Variants in LSAMP observed in about 807,000 individuals in gnomAD.
The protein encoded by LSAMP is limbic system associated membrane protein.
A neutral mutation model predicts 38.6 loss-of-function variants in LSAMP; 7 were observed. The ratio of observed to expected loss-of-function variants is 0.18; its 90% confidence interval spans 0.10 to 0.34. The LOEUF (loss-of-function observed/expected upper bound fraction) is 0.34. Ranked by LOEUF, LSAMP falls within the 10% of genes least tolerant of loss-of-function variation. The pLI, the probability that LSAMP is intolerant of heterozygous loss-of-function variation, is 1.00. For synonymous variants in LSAMP, 154 were observed against 166.8 expected (o/e 0.92, Z 0.59); for missense variants, 313 against 420.0 (o/e 0.75, Z 2.23).
At chr3:116,433,164 C>T (rs952380572) in intron 1 of LSAMP, among the ~76,000 whole-genome samples, 6 of 152,050 alleles carry the variant, frequency 3.9e-5, no homozygotes, top group Non-Finnish European at 1.5e-5. Context: ...ATTATGTTCC[C>T]CAGTCATTGT....
At chr3:116,108,401 A>G (rs1454330823) in intron 1 of LSAMP, among the ~76,000 whole-genome samples, 1 of 152,124 alleles carries the variant, frequency 6.6e-6, no homozygotes, top group East Asian at 1.9e-4. Flanking sequence ...CCTGGCCGTC[A>G]ATACCCACAA....
chr3:116,396,610 G>T (rs944445587), intron 1 of LSAMP, among the ~76,000 whole-genome samples: 6 of 152,110 alleles, frequency 3.9e-5, no homozygotes, highest in Admixed American at 6.5e-5. Context: ...AGCAGAGATG[G>T]TATTTTAGAG....
At chr3:116,325,456 C>A (rs377106535) in intron 1 of LSAMP, among the ~76,000 whole-genome samples, 3 of 152,126 alleles carry the variant, frequency 2.0e-5, no homozygotes, top group Non-Finnish European at 4.4e-5. Flanking sequence ...GAGAGACAGT[C>A]ACATATTTGT....
chr3:115,952,525 C>T (rs1009603628), intron 3 of LSAMP, among the ~76,000 whole-genome samples: 3 of 152,070 alleles, frequency 2.0e-5, no homozygotes, highest in African/African-American at 4.8e-5. Context: ...TATGAGGACA[C>T]GAAAGCATAA....
intron 1 of LSAMP, among the ~76,000 whole-genome samples, chr3:116,108,650 G>A (rs1708525669): frequency 6.6e-6 from 1 of 152,178 alleles, no homozygotes; most frequent in Non-Finnish European, 1.5e-5. Context: ...AGAAGCTATG[G>A]GAGTGGCTGC....
At chr3:116,233,329 C>A (rs1447955776) in intron 1 of LSAMP, among the ~76,000 whole-genome samples, 1 of 137,884 alleles carries the variant, frequency 7.3e-6, no homozygotes, top group East Asian at 2.3e-4. Context: ...AGGAGAATGG[C>A]GTGAACCCAG....
intron 1 of LSAMP, among the ~76,000 whole-genome samples, chr3:116,102,235 T>G (rs986170172): frequency 3.3e-5 from 5 of 152,196 alleles, no homozygotes; most frequent in African/African-American, 1.2e-4. Context: ...GGCACTGTAG[T>G]TATTCAGATA....
intron 1 of LSAMP, among the ~76,000 whole-genome samples, chr3:116,155,834 T>C (rs1377394951): frequency 1.3e-5 from 2 of 152,168 alleles, no homozygotes; most frequent in Admixed American, 1.3e-4. Context: ...CTTTGTGTCA[T>C]ATGTTTATCT....
At chr3:115,988,000 G>T (rs565473718) in intron 3 of LSAMP, among the ~76,000 whole-genome samples, 49 of 152,132 alleles carry the variant, frequency 3.2e-4, no homozygotes, top group African/African-American at 1.1e-3. Context: ...AGCTAAATAT[G>T]TAATGTTTCT....
intron 1 of LSAMP, among the ~76,000 whole-genome samples, chr3:116,402,259 T>C (rs2048849908): frequency 6.6e-6 from 1 of 152,226 alleles, no homozygotes. Flanking sequence ...CATCCATTCA[T>C]TAAGGTATGA....
chr3:116,083,354 T>C (rs1707913057), intron 2 of LSAMP, among the ~76,000 whole-genome samples: 1 of 152,244 alleles, frequency 6.6e-6, no homozygotes, highest in African/African-American at 2.4e-5. Context: ...ACATAGATCA[T>C]CTAATCCTTA....
chr3:116,037,266 T>G (rs1205571988), intron 2 of LSAMP, among the ~76,000 whole-genome samples: 1 of 152,174 alleles, frequency 6.6e-6, no homozygotes, highest in Non-Finnish European at 1.5e-5. Flanking sequence ...CTGAATATAT[T>G]TCTAGTACAG....
At chr3:115,888,713 G>A (rs1314851692) in intron 3 of LSAMP, among the ~76,000 whole-genome samples, 1 of 151,866 alleles carries the variant, frequency 6.6e-6, no homozygotes, top group Non-Finnish European at 1.5e-5. Context: ...CTCCCAGGGA[G>A]TGCCTATATT....
rs71906076 is a variant in LSAMP at position 116,058,938 on chromosome 3, GT to G, written c.388+27385del. 4.9e-4 allele frequency among the ~76,000 whole-genome samples: 73 copies of G among 148,016 alleles called. 1 individual carries two copies. The Middle Eastern group carries it at 0.01, about 21-fold the overall frequency. On this transcript the variant is annotated intron_variant, in intron 2 of 6. Transcript: ENST00000490035. ...ACTAGTACAAGGGTTTTGTTTGTTC[GT>G]TTTTTTTTTTATCATTTCCAATCAA...
At chr3:116,409,309 C>T (rs937364269) in intron 1 of LSAMP, among the ~76,000 whole-genome samples, 1 of 152,036 alleles carries the variant, frequency 6.6e-6, no homozygotes, top group Admixed American at 6.6e-5. Flanking sequence ...TTCCTCTTTA[C>T]TGCTGAGGGA....
intron 1 of LSAMP, among the ~76,000 whole-genome samples, chr3:116,180,271 A>G (rs73140942): frequency 6.6e-6 from 1 of 152,272 alleles, no homozygotes; most frequent in Non-Finnish European, 1.5e-5. Flanking sequence ...GCTCAAATGA[A>G]CATATAATTA....
intron 1 of LSAMP, among the ~76,000 whole-genome samples, chr3:116,408,868 T>C (rs2048934157): frequency 6.6e-6 from 1 of 152,140 alleles, no homozygotes; most frequent in Non-Finnish European, 1.5e-5. Flanking sequence ...TAGTTGTACA[T>C]ATGGTCTTTC....
At chr3:116,316,325 CT>C (rs2047628920) in intron 1 of LSAMP, among the ~76,000 whole-genome samples, 1 of 152,132 alleles carries the variant, frequency 6.6e-6, no homozygotes, top group South Asian at 2.1e-4. Flanking sequence ...TTGGGTATGC[CT>C]TTTAGGTTGT....
chr3:116,195,627 TAGTC>T (rs1445252491), intron 1 of LSAMP, among the ~76,000 whole-genome samples: 2 of 151,702 alleles, frequency 1.3e-5, no homozygotes, highest in Non-Finnish European at 2.9e-5. Context: ...AGCACATACT[TAGTC>T]AGTTTTGGTA....
Sources: gnomAD v4.1 joint callset for allele counts (sites outside exome capture counted in the v4.1 genomes callset) on GRCh38, gnomAD v4.1.1 for gene constraint, MANE v1.5 for transcripts, NCBI Gene and HGNC (gene_info 2026-07-23, HGNC 2026-07-21) for gene names.